Variants in UNK observed in about 807,000 individuals in gnomAD.
The protein encoded by UNK is RING finger protein unkempt homolog.
A neutral mutation model predicts 97.6 loss-of-function variants in UNK; 32 were observed. The observed-to-expected ratio is 0.33, with a 90% CI of 0.25 to 0.44. The LOEUF is 0.44. Among genes scored for constraint, UNK ranks in the 20% least tolerant of loss-of-function variants. UNK has a pLI of 1.00. For missense variants in UNK, 771 were observed against 1,098.4 expected (o/e 0.70, Z 4.21); for synonymous variants, 441 against 461.2 (o/e 0.96, Z 0.56).
chr17:75,785,033 C>T (rs2061693925), intron 1 of UNK, 49 bp downstream of exon 1: 3 of 1,300,422 alleles, frequency 2.3e-6, no homozygotes, highest in Admixed American at 3.4e-5. Flanking sequence ...CTGACGTCAG[C>T]GGCCAGCGTG....
chr17:75,811,832 C>T (rs1244059992), intron 2 of UNK, among the ~76,000 whole-genome samples: 1 of 152,094 alleles, frequency 6.6e-6, no homozygotes, highest in Non-Finnish European at 1.5e-5. Context: ...ACTAAAAATA[C>T]AAAAATTAGC....
intron 1 of UNK, among the ~76,000 whole-genome samples, chr17:75,807,529 C>T (rs1310127055): frequency 6.6e-6 from 1 of 152,212 alleles, no homozygotes; most frequent in African/African-American, 2.4e-5. Context: ...GATCTTGGCT[C>T]ACTGCAACCT....
At position 75,817,297 on chromosome 17, in the gene UNK, G is replaced by A; in HGVS notation, c.1105-29G>A. On this transcript the variant is annotated intron_variant, in intron 8 of 15. Coordinates refer to ENST00000589666, the MANE Select transcript of UNK (RefSeq NM_001080419.3). This position sits in a 1 kb window ranked among gnomAD's most constrained non-coding sequence, Gnocchi z 5.8. The stretch of plus-strand genomic sequence containing the variant: ...CGCACCAGCCTGCGCTGTGCCCACG[G>A]GCCCACTCCCTCCCCTCCTTCTCCG... The A allele has an allele frequency of 6.5e-7, 1 of 1,541,212 alleles. No homozygotes were observed. Among genetic ancestry groups the A allele is most frequent in the Non-Finnish European group, 8.8e-7 (1 of 1,142,402 alleles).
chr17:75,820,537 A>G (rs2062057778), intron 13 of UNK, among the ~76,000 whole-genome samples: 1 of 152,174 alleles, frequency 6.6e-6, no homozygotes, highest in Non-Finnish European at 1.5e-5. Context: ...GAGAAGCCAG[A>G]CAGGTTAACC....
intron 1 of UNK, among the ~76,000 whole-genome samples, chr17:75,794,796 T>C (rs985671408): frequency 1.3e-5 from 2 of 152,190 alleles, no homozygotes; most frequent in Non-Finnish European, 2.9e-5. Context: ...TTCCTGAGAA[T>C]AGGAATATTA....
chr17:75,811,790 C>T (rs1449365728), intron 2 of UNK, among the ~76,000 whole-genome samples: 1 of 152,142 alleles, frequency 6.6e-6, no homozygotes, highest in East Asian at 1.9e-4. Flanking sequence ...AGATCGAGAC[C>T]ATCCTGGCCA....
At position 75,818,518 on chromosome 17, in the gene UNK, T is replaced by C. The variant is rs903116572; in HGVS notation, c.1372-124T>C. The C allele has an allele frequency of 1.7e-6, 2 of 1,183,380 alleles. No individual in the cohort carries two copies. The highest frequency in any genetic ancestry group is 5.6e-5 in the Admixed American group (2 of 35,894). The allele number at this position is 1,183,380 out of a possible 1,614,324, so 73.3% of individuals were successfully genotyped here. Reference sequence around the variant, plus strand: ...GGGTGTGCCGGGGCCCATGTGGGCATGGGGGCACCCGGACTAGAGCTAGCA... The same window carrying C: ...GGGTGTGCCGGGGCCCATGTGGGCACGGGGGCACCCGGACTAGAGCTAGCA... On this transcript the variant is annotated intron_variant, in intron 10 of 15. Transcript: ENST00000589666. The surrounding 1 kb of genome is among the most constrained non-coding windows in gnomAD (Gnocchi z 5.1).
At chr17:75,806,040 T>G (rs927212218) in intron 1 of UNK, among the ~76,000 whole-genome samples, 2 of 150,310 alleles carry the variant, frequency 1.3e-5, no homozygotes, top group Admixed American at 1.3e-4. Flanking sequence ...GGGGCAGAGA[T>G]TGCAGTGAGC....
intron 1 of UNK, among the ~76,000 whole-genome samples, chr17:75,798,625 C>G (rs975338054): frequency 6.6e-6 from 1 of 151,964 alleles, no homozygotes; most frequent in Admixed American, 6.6e-5. Context: ...GGATTACAGG[C>G]ATGAGCCACC....
At position 75,813,067 on chromosome 17, in the gene UNK, C is replaced by T. The variant is rs1465819627; in HGVS notation, c.623-11C>T. On this transcript the variant is annotated splice_polypyrimidine_tract_variant and intron_variant, in intron 4 of 15. Coordinates refer to ENST00000589666, the MANE Select transcript of UNK (RefSeq NM_001080419.3). Reference sequence around the variant, plus strand: ...TCTCACCTGACCCCTGCCCTCTGGCCCCCTGTGCAGAGACTGCTTATGTGC... The same window carrying T: ...TCTCACCTGACCCCTGCCCTCTGGCTCCCTGTGCAGAGACTGCTTATGTGC... 3 of 1,581,814 alleles carry T rather than the reference C, an allele frequency of 1.9e-6. No homozygotes were observed. The highest frequency in any genetic ancestry group is 1.7e-6 in the Non-Finnish European group (2 of 1,163,632).
intron 1 of UNK, among the ~76,000 whole-genome samples, chr17:75,802,646 T>C (rs1031568930): frequency 6.6e-6 from 1 of 152,218 alleles, no homozygotes; most frequent in Admixed American, 6.5e-5. Context: ...AGCAGGTTTC[T>C]GAGTGGCTCA....
intron 1 of UNK, among the ~76,000 whole-genome samples, chr17:75,807,098 G>A (rs934268531): frequency 6.6e-6 from 1 of 152,202 alleles, no homozygotes; most frequent in Admixed American, 6.5e-5. Flanking sequence ...TCCTTCTCCA[G>A]GACAGACTGT....
chr17:75,820,387 CGAGG>C (rs1489973492), intron 13 of UNK, among the ~76,000 whole-genome samples: 1 of 152,202 alleles, frequency 6.6e-6, no homozygotes, highest in Non-Finnish European at 1.5e-5. Context: ...GTGCTAGGCA[CGAGG>C]CCAGTGCAGG....
chr17:75,818,132 C>A lies in UNK; in HGVS notation c.1335C>A (p.Pro445=). The change falls in exon 10 of 16, where the codon CCC becomes CCA. Residue 445 remains proline, a synonymous_variant. Transcript: ENST00000589666. The surrounding 1 kb of genome is among the most constrained non-coding windows in gnomAD (Gnocchi z 5.1). ...AATTAAAACCCCACTCATTAGAGCC[C>A]AGGAGTCAAGAGCAGCCTCTGCTTC... The part of the protein sequence containing the change: ...QAKLKPHSLE[P]RSQEQPLLQP... The A allele has an allele frequency of 6.2e-7, 1 of 1,613,482 alleles. No individual in the cohort carries two copies. Among genetic ancestry groups the A allele is most frequent in the South Asian group, 1.1e-5 (1 of 91,078 alleles).
chr17:75,795,759 C>T (rs999056673), intron 1 of UNK, among the ~76,000 whole-genome samples: 2 of 152,188 alleles, frequency 1.3e-5, no homozygotes, highest in Non-Finnish European at 2.9e-5. Flanking sequence ...TATGAATCTT[C>T]CTCAGTTTCA....
intron 1 of UNK, chr17:75,785,978 CAG>C (rs1394116659): frequency 1.3e-5 from 2 of 152,168 alleles, no homozygotes; most frequent in Non-Finnish European, 2.9e-5. Flanking sequence ...GAACGAAGAA[CAG>C]AATCATCTGT....
rs560613852 is a variant in UNK, at chr17:75,817,781, C to T, written c.1305+255C>T. On this transcript the variant is annotated intron_variant, in intron 9 of 15. Coordinates refer to ENST00000589666, the MANE Select transcript of UNK (RefSeq NM_001080419.3). This position sits in a 1 kb window ranked among gnomAD's most constrained non-coding sequence, Gnocchi z 5.8. Reference sequence around the variant, plus strand: ...AGAGGAGCCAGATCCCGCCTGGGTGCGGTCCTTCGGCTGCCCTGAACTGCC... The same window carrying T: ...AGAGGAGCCAGATCCCGCCTGGGTGTGGTCCTTCGGCTGCCCTGAACTGCC... Among the ~76,000 whole-genome samples, 3 of 152,224 alleles carry T rather than the reference C, an allele frequency of 2.0e-5. No individual in the cohort carries two copies. Among genetic ancestry groups the T allele is most frequent in the East Asian group, 3.9e-4 (2 of 5,176 alleles).
intron 1 of UNK, among the ~76,000 whole-genome samples, chr17:75,798,940 G>A (rs986683931): frequency 6.6e-6 from 1 of 152,000 alleles, no homozygotes; most frequent in Non-Finnish European, 1.5e-5. Flanking sequence ...GGTGGCGGGC[G>A]CCTGTAGTCC....
chr17:75,802,503 ACCT>A (rs2061870771), intron 1 of UNK, among the ~76,000 whole-genome samples: 1 of 151,034 alleles, frequency 6.6e-6, no homozygotes, highest in Admixed American at 6.6e-5. Context: ...TGATCCTCCC[ACCT>A]CCGCCTCCTG....
Sources: allele counts gnomAD v4.1 joint callset (sites outside exome capture counted in the v4.1 genomes callset), GRCh38; gene constraint gnomAD v4.1.1; non-coding constraint Gnocchi (gnomAD v3.1); transcripts MANE v1.5; gene names NCBI Gene and HGNC (gene_info 2026-07-23, HGNC 2026-07-21).